The following POC5 variants were observed in gnomAD, a reference collection of about 807,000 sequenced individuals.
The protein encoded by POC5 is centrosomal protein POC5.
POC5 carries 48 observed loss-of-function variants against 62.9 expected under a neutral mutation model. The ratio of observed to expected loss-of-function variants is 0.76; its 90% CI spans 0.61 to 0.97. The LOEUF is 0.97. POC5 is among the 50% of genes least tolerant of loss of function. The probability of loss-of-function intolerance (pLI) is 0.00; values close to 1 mark genes in which losing one functional copy is unlikely to be tolerated. For synonymous variants in POC5, 236 were observed against 228.2 expected (o/e 1.03, Z -0.31); for missense variants, 696 against 679.5 (o/e 1.02, Z -0.27).
chr5:75,690,573 G>T lies in POC5; in HGVS notation c.796-11C>A. 1 of 1,533,240 alleles carries T rather than the reference G, an allele frequency of 6.5e-7. No homozygotes were observed. Among genetic ancestry groups the T allele is most frequent in the East Asian group, 2.4e-5 (1 of 41,772 alleles). 95.0% of individuals were successfully genotyped at this position (1,533,240 alleles called of 1,614,324 possible). A position where few individuals can be genotyped will look rare whatever the true frequency, so the allele number is the denominator to read the frequency against. On this transcript the variant is annotated splice_polypyrimidine_tract_variant and intron_variant, in intron 7 of 11. Transcript: ENST00000428202. Reference sequence around the variant, plus strand: ...TTTACCTTCATAAACCTAAATAAAAGTAAAATATAACTTCAAAAACACAGT... The same window carrying T: ...TTTACCTTCATAAACCTAAATAAAATTAAAATATAACTTCAAAAACACAGT...
In POC5 at chr5:75,690,557, A is replaced by G; in HGVS notation, c.801T>C (p.Tyr267=). 1 of 1,551,616 alleles carries G rather than the reference A, an allele frequency of 6.4e-7. No individual in the cohort carries two copies. Residue 267 remains tyrosine (Y), a synonymous_variant, in exon 8 of 12, where the codon TAT becomes TAC. Transcript: ENST00000428202. ...IGHVRARQDV[Y]EGKLADQYYQ... ...AGTACTGGTCAGCTAGTTTACCTTC[A>G]TAAACCTAAATAAAAGTAAAATATA... is the stretch of plus-strand genomic sequence containing the variant.
chr5:75,701,164 A>T (rs1776860805), intron 5 of POC5, among the ~76,000 whole-genome samples: 1 of 139,098 alleles, frequency 7.2e-6, no homozygotes, highest in Non-Finnish European at 1.6e-5. Context: ...CAGTGTGGCG[A>T]TTCCTCAGGG....
intron 2 of POC5, 124 bp downstream of exon 2, chr5:75,712,727 ATAT>A: frequency 1.3e-6 from 1 of 787,516 alleles, no homozygotes. Context: ...CTGAAGTTTG[ATAT>A]TATTATAAAT....
chr5:75,685,470 T>A lies in POC5; in HGVS notation c.1144A>T (p.Asn382Tyr), dbSNP rs1221114605. ...NRNDAGIDST[N>Y]NKKEEYGPGV... ...GGACCATACTCTTCCTTTTTATTAT[T>A]TGTGGAGTCTATCCCTATAAATCAC... Residue 382 changes from asparagine (N) to tyrosine (Y), a missense_variant, in exon 10 of 12, where the codon AAT (asparagine) becomes TAT (tyrosine). By Grantham distance (143) the Asn-to-Tyr change is moderately radical. Coordinates refer to ENST00000428202, the MANE Select transcript of POC5 (RefSeq NM_001099271.2). 6.8e-6 allele frequency: 11 copies of A among 1,610,502 alleles called. No individual in the cohort carries two copies. The Admixed American group carries it at 1.5e-4, about 22-fold the overall frequency.
intron 2 of POC5, chr5:75,712,522 A>G: frequency 2.1e-6 from 3 of 1,399,024 alleles, no homozygotes; most frequent in Non-Finnish European, 3.0e-6. Flanking sequence ...ATTAATTTGC[A>G]TTAAAAGTGA....
intron 1 of POC5, among the ~76,000 whole-genome samples, chr5:75,715,107 T>C (rs933568250): frequency 2.6e-5 from 4 of 151,732 alleles, no homozygotes; most frequent in African/African-American, 9.7e-5. Context: ...GGTCAGGAGA[T>C]CAAGACCATA....
At chr5:75,700,248 C>T (rs1776809695) in intron 5 of POC5, among the ~76,000 whole-genome samples, 1 of 151,906 alleles carries the variant, frequency 6.6e-6, no homozygotes, top group Admixed American at 6.5e-5. Flanking sequence ...CAAAAAAGAG[C>T]CCGCATCACC....
chr5:75,681,150 C>A (rs1580000397), intron 10 of POC5, among the ~76,000 whole-genome samples: 1 of 152,066 alleles, frequency 6.6e-6, no homozygotes, highest in Admixed American at 6.5e-5. Context: ...AGAGACAGTA[C>A]AGATCATTGG....
chr5:75,678,556 T>C (rs1350072469), intron 10 of POC5, among the ~76,000 whole-genome samples: 1 of 152,170 alleles, frequency 6.6e-6, no homozygotes, highest in Non-Finnish European at 1.5e-5. Flanking sequence ...AATATTATCA[T>C]TACACATATG....
chr5:75,690,279 C>A (rs1056537668), intron 8 of POC5, 104 bp downstream of exon 8: 1 of 1,071,968 alleles, frequency 9.3e-7, no homozygotes, highest in Non-Finnish European at 1.3e-6. Context: ...TTTTTGTCTG[C>A]ATTCTTGATT....
intron 7 of POC5, among the ~76,000 whole-genome samples, chr5:75,691,294 T>TA (rs1340586310): frequency 7.2e-5 from 11 of 152,254 alleles, no homozygotes; most frequent in Non-Finnish European, 1.5e-4. Context: ...TGGGATTAAT[T>TA]AAAAAAATGA....
intron 5 of POC5, among the ~76,000 whole-genome samples, chr5:75,695,866 G>C (rs542566416): frequency 5.3e-5 from 8 of 152,260 alleles, no homozygotes; most frequent in South Asian, 2.1e-4. Flanking sequence ...CACCGTGCGC[G>C]AGGTGAAGCA....
At chr5:75,690,303 A>T in intron 8 of POC5, 80 bp downstream of exon 8, 3 of 1,269,928 alleles carry the variant, frequency 2.4e-6, no homozygotes, top group Non-Finnish European at 2.1e-6. Flanking sequence ...GACCAAAAGA[A>T]GAAGTCTATT....
intron 1 of POC5, among the ~76,000 whole-genome samples, chr5:75,714,388 G>A (rs1287394290): frequency 6.6e-6 from 1 of 151,708 alleles, no homozygotes; most frequent in Non-Finnish European, 1.5e-5. Context: ...AAAAAAAAAA[G>A]AGAGAGAGAT....
intron 4 of POC5, among the ~76,000 whole-genome samples, chr5:75,704,289 G>T (rs1777034090): frequency 6.6e-6 from 1 of 152,146 alleles, no homozygotes; most frequent in South Asian, 2.1e-4. Flanking sequence ...AAAGATGGAA[G>T]AGCTTTCTTC....
At chr5:75,691,515 A>T (rs1162567372) in intron 7 of POC5, among the ~76,000 whole-genome samples, 2 of 152,196 alleles carry the variant, frequency 1.3e-5, no homozygotes, top group African/African-American at 4.8e-5. Flanking sequence ...GTATAAGGTG[A>T]AATATGAAAC....
intron 10 of POC5, among the ~76,000 whole-genome samples, chr5:75,684,363 A>ATTTTTT (rs749361349): frequency 6.0e-5 from 8 of 132,708 alleles, no homozygotes; most frequent in African/African-American, 2.3e-4. Flanking sequence ...TTCCTACATA[A>ATTTTTT]TTTTTTTTTT....
At chr5:75,682,517 C>CTTTTTT (rs3041691) in intron 10 of POC5, among the ~76,000 whole-genome samples, 9 of 134,664 alleles carry the variant, frequency 6.7e-5, no homozygotes, top group Non-Finnish European at 1.1e-4. Flanking sequence ...TTATTTCTTT[C>CTTTTTT]TTTTTTTTTT....
At chr5:75,704,902 T>C (rs1037490518) in intron 4 of POC5, among the ~76,000 whole-genome samples, 1 of 152,234 alleles carries the variant, frequency 6.6e-6, no homozygotes, top group Non-Finnish European at 1.5e-5. Flanking sequence ...CTAGTATGCT[T>C]TTAAAAGTTC....
Sources: allele counts gnomAD v4.1 joint callset (sites outside exome capture counted in the v4.1 genomes callset), GRCh38; gene constraint gnomAD v4.1.1; transcripts MANE v1.5; gene names NCBI Gene and HGNC (gene_info 2026-07-23, HGNC 2026-07-21).